The following GABRB2 variants were observed in gnomAD, a reference collection of about 807,000 sequenced individuals.
GABRB2 encodes gamma-aminobutyric acid receptor subunit beta-2.
Under a neutral mutation model 54.7 loss-of-function variants are expected in GABRB2, and 16 were observed. The ratio of observed to expected loss-of-function variants is 0.29; its 90% CI spans 0.20 to 0.44. The LOEUF is 0.44. Among genes scored for constraint, GABRB2 ranks in the 20% least tolerant of loss-of-function variants. The pLI, the probability that GABRB2 is intolerant of heterozygous loss-of-function variation, is 1.00. For synonymous variants in GABRB2, 244 were observed against 233.8 expected (o/e 1.04, Z -0.40); for missense variants, 355 against 644.0 (o/e 0.55, Z 4.86).
chr5:161,310,860 T>C (rs1418011515), intron 9 of GABRB2, among the ~76,000 whole-genome samples: 1 of 151,932 alleles, frequency 6.6e-6, no homozygotes, highest in Non-Finnish European at 1.5e-5. Context: ...CCTCCCAAGT[T>C]CACGCCGTTC....
intron 3 of GABRB2, among the ~76,000 whole-genome samples, chr5:161,533,680 C>A (rs1419930778): frequency 6.6e-6 from 1 of 151,878 alleles, no homozygotes; most frequent in Non-Finnish European, 1.5e-5. Context: ...AGACTCCTTT[C>A]TTTGCAAAAA....
rs1159660092 is a variant in GABRB2 at position 161,545,219 on chromosome 5, A to G, written c.237+8T>C. 2 of 1,598,546 alleles carry G rather than the reference A, an allele frequency of 1.3e-6. No homozygotes were observed. Among genetic ancestry groups the G allele is most frequent in the East Asian group, 4.6e-5 (2 of 43,380 alleles). On this transcript the variant is annotated splice_region_variant and intron_variant, in intron 3 of 9. Coordinates refer to ENST00000393959, the MANE Select transcript of GABRB2 (RefSeq NM_001371727.1). Reference sequence around the variant, plus strand: ...TGCAAAGAAGTAGTCATAAATGTCAATACTCACCATATTGACTTCAGAAAC... The same window carrying G: ...TGCAAAGAAGTAGTCATAAATGTCAGTACTCACCATATTGACTTCAGAAAC...
At chr5:161,531,101 GTGT>G (rs1760446999) in intron 3 of GABRB2, among the ~76,000 whole-genome samples, 1 of 152,144 alleles carries the variant, frequency 6.6e-6, no homozygotes, top group Admixed American at 6.6e-5. Context: ...TATCTAAATT[GTGT>G]TTTTTGGAGT....
chr5:161,542,963 T>C (rs1411327400), intron 3 of GABRB2, among the ~76,000 whole-genome samples: 1 of 152,092 alleles, frequency 6.6e-6, no homozygotes, highest in Non-Finnish European at 1.5e-5. Context: ...AAAACAAACA[T>C]CACAAAAAAA....
At chr5:161,446,795 T>G (rs896572068) in intron 4 of GABRB2, among the ~76,000 whole-genome samples, 14 of 152,218 alleles carry the variant, frequency 9.2e-5, no homozygotes, top group Non-Finnish European at 1.8e-4. Context: ...TGACTCCAGA[T>G]TTTGGCTCTT....
Position 161,289,232 on chromosome 5 carries a change from C to CTTTTTTTTTTTTTTTTTTTTTTTTT in GABRB2, c.*4848_*4849insAAAAAAAAAAAAAAAAAAAAAAAAA. ...ACCTAGTAGCTTTTTAAGAGTGCTGCTTTTTTTTTTTTTTTTTGTACAGAT... is the reference window on the plus strand; with the variant it reads ...ACCTAGTAGCTTTTTAAGAGTGCTGCTTTTTTTTTTTTTTTTTTTTTTTTTTTTTTTTTTTTTTTTTTGTACAGAT... On this transcript the variant is annotated 3_prime_UTR_variant, in exon 10 of 10. Transcript: ENST00000393959. 2.1e-3 allele frequency: 190 copies of CTTTTTTTTTTTTTTTTTTTTTTTTT among 90,448 alleles called. 1 individual carries two copies. Among genetic ancestry groups the CTTTTTTTTTTTTTTTTTTTTTTTTT allele is most frequent in the Non-Finnish European group, 2.7e-3 (142 of 52,716 alleles). 5.6% of individuals were successfully genotyped at this position (90,448 alleles called of 1,614,324 possible). A position where few individuals can be genotyped will look rare whatever the true frequency, so the allele number is the denominator to read the frequency against.
chr5:161,445,033 A>C (rs1757577129), intron 4 of GABRB2, among the ~76,000 whole-genome samples: 2 of 152,132 alleles, frequency 1.3e-5, no homozygotes, highest in South Asian at 4.1e-4. Context: ...TGCTGTGGCG[A>C]AACGGCAATT....
chr5:161,480,598 A>G (rs1489718123), intron 3 of GABRB2, among the ~76,000 whole-genome samples: 1 of 152,076 alleles, frequency 6.6e-6, no homozygotes, highest in Non-Finnish European at 1.5e-5. Flanking sequence ...GTAATTATTT[A>G]AACAAACACA....
At chr5:161,489,517 T>C (rs959303126) in intron 3 of GABRB2, among the ~76,000 whole-genome samples, 1 of 151,608 alleles carries the variant, frequency 6.6e-6, no homozygotes, top group Admixed American at 6.6e-5. Flanking sequence ...TGGTAGGAAA[T>C]GAGAGGATCT....
rs979898203 is a variant in GABRB2, at chr5:161,507,108, C to T, written c.237+38119G>A. On this transcript the variant is annotated intron_variant, in intron 3 of 9. Transcript: ENST00000393959. ...AAATTAAAGGACATTCTGAAAATACCTAAGTGGAACTCTGAAAAATTGTCA... is the reference window on the plus strand; with the variant it reads ...AAATTAAAGGACATTCTGAAAATACTTAAGTGGAACTCTGAAAAATTGTCA... Among the ~76,000 whole-genome samples, 3 of 151,922 alleles carry T rather than the reference C, an allele frequency of 2.0e-5. No homozygotes were observed. The South Asian group carries it at 6.2e-4, about 31-fold the overall frequency.
intron 3 of GABRB2, among the ~76,000 whole-genome samples, chr5:161,542,095 C>A (rs867493580): frequency 2.6e-5 from 4 of 152,186 alleles, no homozygotes; most frequent in Non-Finnish European, 4.4e-5. Flanking sequence ...ATTGGTGGAA[C>A]TGTCAGAACA....
Position 161,331,127 on chromosome 5 carries a change from C to A in GABRB2, c.833G>T (p.Gly278Val). The change falls in exon 8 of 10, where the codon GGA becomes GTA. Residue 278 changes from glycine (G) to valine (V), a missense_variant and splice_region_variant. By Grantham distance (109) the Gly-to-Val change is moderately radical. Around this residue, in one of 6 missense-constraint regions of GABRB2, gnomAD observed 25 missense variants for 137.4 expected, o/e 0.18. Coordinates refer to ENST00000393959, the MANE Select transcript of GABRB2 (RefSeq NM_001371727.1). ...GGTCATTGTGAGGACAGTTGTGATTCCTGAAAAAAAATGGGAGAGTTAGAG... is the reference window on the plus strand; with the variant it reads ...GGTCATTGTGAGGACAGTTGTGATTACTGAAAAAAAATGGGAGAGTTAGAG... ...YDASAARVAL[G>V]ITTVLTMTTI... is the part of the protein sequence containing the mutation. 2 of 1,535,202 alleles carry A rather than the reference C, an allele frequency of 1.3e-6. No individual in the cohort carries two copies. The highest frequency in any genetic ancestry group is 1.3e-5 in the South Asian group (1 of 78,512).
At chr5:161,391,856 A>T (rs1755832904) in intron 5 of GABRB2, among the ~76,000 whole-genome samples, 1 of 152,188 alleles carries the variant, frequency 6.6e-6, no homozygotes, top group East Asian at 1.9e-4. Flanking sequence ...CTCAGCATTC[A>T]CTGATCTAAG....
At chr5:161,421,499 G>C (rs1163058444) in intron 4 of GABRB2, among the ~76,000 whole-genome samples, 1 of 152,184 alleles carries the variant, frequency 6.6e-6, no homozygotes, top group Non-Finnish European at 1.5e-5. Flanking sequence ...CTTGCTGAAA[G>C]TTCAGTGGGC....
At chr5:161,361,381 T>G (rs370766577) in intron 5 of GABRB2, among the ~76,000 whole-genome samples, 7 of 152,146 alleles carry the variant, frequency 4.6e-5, no homozygotes, top group African/African-American at 1.7e-4. Context: ...CCTTATCTTT[T>G]GGTGTTACAA....
chr5:161,498,100 T>A (rs902068163), intron 3 of GABRB2, among the ~76,000 whole-genome samples: 1 of 152,160 alleles, frequency 6.6e-6, no homozygotes, highest in Non-Finnish European at 1.5e-5. Flanking sequence ...AAAATAATAC[T>A]TTATTGCATG....
chr5:161,539,296 T>G (rs2113473050), intron 3 of GABRB2, among the ~76,000 whole-genome samples: 1 of 152,312 alleles, frequency 6.6e-6, no homozygotes, highest in East Asian at 1.9e-4. Flanking sequence ...AAGGCCAAGC[T>G]TTCTGCTCAG....
intron 4 of GABRB2, among the ~76,000 whole-genome samples, chr5:161,434,037 A>G (rs1757246964): frequency 6.6e-6 from 1 of 152,140 alleles, no homozygotes; most frequent in Admixed American, 6.6e-5. Context: ...TATGTATTCG[A>G]ATTTTAGTGT....
chr5:161,300,818 G>A (rs1038939449), intron 9 of GABRB2, among the ~76,000 whole-genome samples: 10 of 152,150 alleles, frequency 6.6e-5, no homozygotes, highest in Admixed American at 3.3e-4. Flanking sequence ...TGGACAGAAC[G>A]ACTTCAAATA....
Sources: gnomAD v4.1 joint callset for allele counts (sites outside exome capture counted in the v4.1 genomes callset) on GRCh38, gnomAD v4.1.1 for gene constraint, gnomAD v4.1.1 regional missense constraint, MANE v1.5 for transcripts, NCBI Gene and HGNC (gene_info 2026-07-23, HGNC 2026-07-21) for gene names.